CTNNA3: variants seen among roughly 807,000 people sequenced by gnomAD.
The protein encoded by CTNNA3 is catenin alpha 3.
Under a neutral mutation model 95.7 loss-of-function variants are expected in CTNNA3, and 76 were observed. The ratio of observed to expected loss-of-function variants is 0.79; its 90% confidence interval spans 0.66 to 0.96. The LOEUF is 0.96. Ranked by LOEUF, CTNNA3 falls within the 40% of genes least tolerant of loss-of-function variation. The probability of loss-of-function intolerance (pLI) is 0.00; values close to 1 mark genes in which losing one functional copy is unlikely to be tolerated. For missense variants in CTNNA3, 1,191 were observed against 1,089.8 expected (o/e 1.09, Z -1.31); for synonymous variants, 431 against 374.4 (o/e 1.15, Z -1.74).
At chr10:66,513,974 C>T (rs1589361023) in intron 11 of CTNNA3, among the ~76,000 whole-genome samples, 1 of 147,702 alleles carries the variant, frequency 6.8e-6, no homozygotes, top group African/African-American at 2.5e-5. Context: ...AGGCTGTGCA[C>T]CTGTGATGTG....
chr10:66,970,477 T>C (rs1490035834), intron 7 of CTNNA3, among the ~76,000 whole-genome samples: 1 of 140,116 alleles, frequency 7.1e-6, no homozygotes, highest in Non-Finnish European at 1.5e-5. Flanking sequence ...CCAGAAATAC[T>C]CCACAAAAGG....
intron 1 of CTNNA3, among the ~76,000 whole-genome samples, chr10:67,726,046 C>A (rs1413413173): frequency 8.2e-6 from 1 of 122,340 alleles, no homozygotes; most frequent in Non-Finnish European, 1.6e-5. Context: ...CTATTATATA[C>A]AATTATTAAT....
At chr10:66,727,383 T>C (rs879464972) in intron 9 of CTNNA3, among the ~76,000 whole-genome samples, 3 of 152,088 alleles carry the variant, frequency 2.0e-5, no homozygotes, top group Admixed American at 1.3e-4. Context: ...GTATATAGTT[T>C]ATTACTCTTT....
chr10:67,120,257 A>G (rs538791643), intron 7 of CTNNA3, among the ~76,000 whole-genome samples: 4 of 151,958 alleles, frequency 2.6e-5, no homozygotes, highest in Non-Finnish European at 5.9e-5. Context: ...TCTACCCTGA[A>G]TCAAGTGAAT....
intron 16 of CTNNA3, among the ~76,000 whole-genome samples, chr10:65,983,925 T>A (rs530436290): frequency 6.6e-6 from 1 of 151,424 alleles, no homozygotes; most frequent in Admixed American, 6.6e-5. Context: ...ATGAGAAGCA[T>A]CAACTAATCT....
At chr10:66,308,511 A>T (rs1222054635) in intron 12 of CTNNA3, among the ~76,000 whole-genome samples, 1 of 152,198 alleles carries the variant, frequency 6.6e-6, no homozygotes, top group East Asian at 1.9e-4. Flanking sequence ...ATTTTTAGCC[A>T]TTAATATCTG....
intron 7 of CTNNA3, among the ~76,000 whole-genome samples, chr10:66,976,049 G>T (rs1174884712): frequency 6.6e-6 from 1 of 152,096 alleles, no homozygotes; most frequent in Non-Finnish European, 1.5e-5. Flanking sequence ...CCCAATAATA[G>T]GTCAGTTAGT....
chr10:66,502,526 C>G (rs990078136), intron 11 of CTNNA3, among the ~76,000 whole-genome samples: 4 of 152,042 alleles, frequency 2.6e-5, no homozygotes, highest in Non-Finnish European at 4.4e-5. Flanking sequence ...TGAACTCTTC[C>G]TCAGTCTCGT....
At chr10:67,264,899 G>A (rs1199684101) in intron 5 of CTNNA3, among the ~76,000 whole-genome samples, 3 of 152,124 alleles carry the variant, frequency 2.0e-5, no homozygotes, top group Admixed American at 1.3e-4. Flanking sequence ...TGAAGGCATC[G>A]AGAAAAGACT....
chr10:67,041,030 A>T (rs1372364348), intron 7 of CTNNA3, among the ~76,000 whole-genome samples: 2 of 152,152 alleles, frequency 1.3e-5, no homozygotes, highest in Non-Finnish European at 2.9e-5. Context: ...GAAAAAGCAG[A>T]TCTTTTTACA....
At chr10:65,965,669 A>C (rs924922755) in intron 17 of CTNNA3, among the ~76,000 whole-genome samples, 1 of 151,994 alleles carries the variant, frequency 6.6e-6, no homozygotes, top group Non-Finnish European at 1.5e-5. Context: ...CGCTGGGATT[A>C]TAGGTCTGAA....
chr10:67,572,492 A>C (rs552735209), intron 3 of CTNNA3, among the ~76,000 whole-genome samples: 1 of 152,136 alleles, frequency 6.6e-6, no homozygotes, highest in Non-Finnish European at 1.5e-5. Context: ...AGATTCTTTC[A>C]TAAACTTTAC....
At chr10:66,500,191 CATAAAAAATTCAGCT>C (rs1320800840) in intron 11 of CTNNA3, among the ~76,000 whole-genome samples, 1 of 151,848 alleles carries the variant, frequency 6.6e-6, no homozygotes, top group Admixed American at 6.6e-5. Flanking sequence ...ATTATAAATC[CATAAAAAATTCAGCT>C]ATTCAAACCA....
At chr10:65,965,027 A>T (rs563533521) in intron 17 of CTNNA3, among the ~76,000 whole-genome samples, 1 of 152,346 alleles carries the variant, frequency 6.6e-6, no homozygotes, top group Non-Finnish European at 1.5e-5. Context: ...ACAGGGCACT[A>T]GTAATGCACT....
intron 7 of CTNNA3, among the ~76,000 whole-genome samples, chr10:66,942,704 C>T (rs188752279): frequency 1.3e-5 from 2 of 152,074 alleles, no homozygotes; most frequent in Admixed American, 1.3e-4. Flanking sequence ...ACATATCACA[C>T]CTTCCCATAC....
chr10:66,870,867 A>G (rs1844373985), intron 7 of CTNNA3, among the ~76,000 whole-genome samples: 1 of 152,162 alleles, frequency 6.6e-6, no homozygotes, highest in South Asian at 2.1e-4. Flanking sequence ...ACAAAGTCAG[A>G]AGTGCTTTTG....
chr10:67,169,924 G>A (rs1861939965), intron 7 of CTNNA3, among the ~76,000 whole-genome samples: 1 of 151,940 alleles, frequency 6.6e-6, no homozygotes, highest in Admixed American at 6.6e-5. Flanking sequence ...TAAACAAATT[G>A]ACAAAAGAAA....
intron 10 of CTNNA3, among the ~76,000 whole-genome samples, chr10:66,589,964 C>G (rs773654177): frequency 2.0e-5 from 3 of 151,808 alleles, no homozygotes; most frequent in Non-Finnish European, 4.4e-5. Context: ...AAATAAATTA[C>G]TTTGCTCTTA....
intron 7 of CTNNA3, among the ~76,000 whole-genome samples, chr10:67,032,610 A>T (rs1270458437): frequency 6.6e-6 from 1 of 152,170 alleles, no homozygotes; most frequent in Non-Finnish European, 1.5e-5. Context: ...TATTGATGTA[A>T]TTTCTACAGT....
Sources: gnomAD v4.1 joint callset for allele counts (sites outside exome capture counted in the v4.1 genomes callset) on GRCh38, gnomAD v4.1.1 for gene constraint, MANE v1.5 for transcripts, NCBI Gene and HGNC (gene_info 2026-07-23, HGNC 2026-07-21) for gene names.